Variants in GAD2 observed in about 807,000 individuals in gnomAD.
GAD2 encodes the protein glutamate decarboxylase 2, also known as 65 kDa glutamic acid decarboxylase.
GAD2 carries 22 observed loss-of-function variants against 80.1 expected under a neutral mutation model. That is an observed-to-expected ratio of 0.27 (90% CI 0.20 to 0.39). GAD2 has a LOEUF of 0.39. Ranked by LOEUF, GAD2 falls within the 10% of genes least tolerant of loss-of-function variation. GAD2 has a pLI of 1.00. For synonymous variants in GAD2, 274 were observed against 256.9 expected (o/e 1.07, Z -0.64); for missense variants, 624 against 738.4 (o/e 0.85, Z 1.80).
At chr10:26,270,062 G>A (rs774035467) in intron 9 of GAD2, among the ~76,000 whole-genome samples, 6 of 152,168 alleles carry the variant, frequency 3.9e-5, no homozygotes, top group Non-Finnish European at 5.9e-5. Context: ...CTTCCAGCCC[G>A]TTACTTCAAT....
rs1834322290 is a variant in GAD2 at position 26,300,897 on chromosome 10, C to T, written c.1694C>T (p.Ala565Val). 1.2e-6 allele frequency: 2 copies of T among 1,613,760 alleles called. No homozygotes were observed. Among genetic ancestry groups the T allele is most frequent in the Non-Finnish European group, 8.5e-7 (1 of 1,179,788 alleles). ...NFFRMVISNP[A>V]ATHQDIDFLI... ...TTCCGCATGGTCATCTCAAACCCAG[C>T]GGCAACTCACCAAGACATTGACTTC... Residue 565 changes from alanine to valine, a missense_variant, in exon 16 of 16, where the codon GCG becomes GTG. Ala to Val is a moderately conservative substitution (Grantham distance 64). Coordinates refer to ENST00000376261, the MANE Select transcript of GAD2 (RefSeq NM_001134366.2).
chr10:26,220,768 G>A (rs905187909), intron 4 of GAD2, among the ~76,000 whole-genome samples: 1 of 152,208 alleles, frequency 6.6e-6, no homozygotes, highest in Non-Finnish European at 1.5e-5. Flanking sequence ...CTATGGAAAT[G>A]TTTTGTGTCT....
At chr10:26,245,880 G>T (rs1805398) in intron 7 of GAD2, 41 bp from the exon 8 acceptor site, 142,927 of 1,457,100 alleles carry the variant, frequency 0.098, 9,634 homozygotes, top group African/African-American at 0.34. Flanking sequence ...GATCTTGTCT[G>T]TATATGGAAC....
At chr10:26,270,337 C>G (rs144584994) in intron 9 of GAD2, among the ~76,000 whole-genome samples, 1 of 151,982 alleles carries the variant, frequency 6.6e-6, no homozygotes, top group African/African-American at 2.4e-5. Flanking sequence ...GAAAGTCTAC[C>G]GGGAATATAT....
chr10:26,267,355 G>A (rs911132239), intron 8 of GAD2, among the ~76,000 whole-genome samples: 1 of 152,178 alleles, frequency 6.6e-6, no homozygotes, highest in African/African-American at 2.4e-5. Context: ...ATTTATATCA[G>A]GGCTGGAGCA....
chr10:26,253,435 AG>A (rs1359604367), intron 8 of GAD2, among the ~76,000 whole-genome samples: 4 of 152,012 alleles, frequency 2.6e-5, no homozygotes, highest in African/African-American at 9.7e-5. Context: ...AGAATAGAAA[AG>A]AAAAGTGCAT....
At chr10:26,287,619 AT>A (rs1244534732) in intron 13 of GAD2, among the ~76,000 whole-genome samples, 1 of 152,110 alleles carries the variant, frequency 6.6e-6, no homozygotes, top group Non-Finnish European at 1.5e-5. Context: ...TTGCAGAAGT[AT>A]TTTTTTGTAT....
intron 9 of GAD2, among the ~76,000 whole-genome samples, chr10:26,270,005 T>C (rs748828249): frequency 1.3e-5 from 2 of 152,162 alleles, no homozygotes; most frequent in Non-Finnish European, 2.9e-5. Context: ...AGAGTCCTTA[T>C]GGAATGAGGG....
At chr10:26,232,131 C>T (rs1018705052) in intron 7 of GAD2, among the ~76,000 whole-genome samples, 3 of 152,152 alleles carry the variant, frequency 2.0e-5, no homozygotes, top group Non-Finnish European at 2.9e-5. Flanking sequence ...GATAGAAAAA[C>T]GTGATCTATT....
intron 7 of GAD2, among the ~76,000 whole-genome samples, chr10:26,243,635 G>A (rs189769871): frequency 1.3e-5 from 2 of 152,316 alleles, no homozygotes; most frequent in African/African-American, 4.8e-5. Flanking sequence ...CTTTGGCGGT[G>A]GCTTGGCAGT....
rs936720571 is a variant in GAD2, at chr10:26,269,081, A to G, written c.921-38A>G. On this transcript the variant is annotated intron_variant, in intron 8 of 15. Transcript: ENST00000376261. ...TTACGTTGTAAAGACGATGAAGCAA[A>G]TTATTCAAAGCAAATCTATATTTCT... 5 of 1,528,052 alleles carry G rather than the reference A, an allele frequency of 3.3e-6. No homozygotes were observed. In the Admixed American group the frequency reaches 7.4e-5, roughly 23 times the overall value. 94.7% of individuals were successfully genotyped at this position (1,528,052 alleles called of 1,614,324 possible). A position where few individuals can be genotyped will look rare whatever the true frequency, so the allele number is the denominator to read the frequency against.
At chr10:26,246,741 G>A (rs955149186) in intron 8 of GAD2, among the ~76,000 whole-genome samples, 23 of 152,160 alleles carry the variant, frequency 1.5e-4, no homozygotes, top group Admixed American at 2.6e-4. Context: ...CGTTGATCCC[G>A]GTTCCCTGCC....
In GAD2 at chr10:26,303,230, A is replaced by G. The variant is rs928958644; in HGVS notation, c.*2269A>G. ...CTATATATGAAATTCCAGCAAAACA[A>G]TTCTAGCAACAACAATAGCTCTTCT... On this transcript the variant is annotated 3_prime_UTR_variant, in exon 16 of 16. Coordinates refer to ENST00000376261, the MANE Select transcript of GAD2 (RefSeq NM_001134366.2). 1 of 152,122 alleles carries G rather than the reference A, an allele frequency of 6.6e-6. No individual in the cohort carries two copies. Among genetic ancestry groups the G allele is most frequent in the African/African-American group, 2.4e-5 (1 of 41,360 alleles). The allele number at this position is 152,122 out of a possible 1,614,324, so 9.4% of individuals were successfully genotyped here.
intron 8 of GAD2, among the ~76,000 whole-genome samples, chr10:26,259,276 C>T (rs8190685): frequency 0.019 from 2,957 of 152,312 alleles, 97 homozygotes; most frequent in African/African-American, 0.066. Flanking sequence ...GAGGAACCAT[C>T]ATACTTTTTC....
At chr10:26,283,394 C>G (rs571351741) in intron 12 of GAD2, among the ~76,000 whole-genome samples, 2 of 152,296 alleles carry the variant, frequency 1.3e-5, no homozygotes, top group East Asian at 1.9e-4. Flanking sequence ...AGGCTGTGCT[C>G]TTAGGTCCAT....
chr10:26,275,452 C>T (rs1302277489), intron 11 of GAD2, among the ~76,000 whole-genome samples: 1 of 152,172 alleles, frequency 6.6e-6, no homozygotes, highest in Non-Finnish European at 1.5e-5. Context: ...CATCAGGGAA[C>T]ACAGAGTTTC....
rs1392175912 is a variant in GAD2, at chr10:26,248,765, C to A, written c.920+2765C>A. ...TTCTTGTTTACACCTTTTTATATTG[C>A]CTGATTTTGTTTGATTGCTGGCAGA... On this transcript the variant is annotated intron_variant, in intron 8 of 15. Coordinates refer to ENST00000376261, the MANE Select transcript of GAD2 (RefSeq NM_001134366.2). 2.6e-5 allele frequency among the ~76,000 whole-genome samples: 4 copies of A among 152,000 alleles called. No homozygotes were observed. In the East Asian group the frequency reaches 7.7e-4, roughly 29 times the overall value.
rs1291887839 is a variant in GAD2, at chr10:26,303,237, C to G, written c.*2276C>G. 2 of 151,936 alleles carry G rather than the reference C, an allele frequency of 1.3e-5. No homozygotes were observed. Among genetic ancestry groups the G allele is most frequent in the African/African-American group, 4.9e-5 (2 of 41,184 alleles). 9.4% of individuals were successfully genotyped at this position (151,936 alleles called of 1,614,324 possible). ...TGAAATTCCAGCAAAACAATTCTAG[C>G]AACAACAATAGCTCTTCTTCCCCGC... On this transcript the variant is annotated 3_prime_UTR_variant, in exon 16 of 16. Coordinates refer to ENST00000376261, the MANE Select transcript of GAD2 (RefSeq NM_001134366.2).
chr10:26,244,536 A>T (rs148880181), intron 7 of GAD2, among the ~76,000 whole-genome samples: 1,638 of 152,352 alleles, frequency 0.011, 10 homozygotes, highest in Middle Eastern at 0.031. Flanking sequence ...CATGTAATAG[A>T]ATGTCATTCA....
Sources: gnomAD v4.1 joint callset for allele counts (sites outside exome capture counted in the v4.1 genomes callset) on GRCh38, gnomAD v4.1.1 for gene constraint, MANE v1.5 for transcripts, NCBI Gene and HGNC (gene_info 2026-07-23, HGNC 2026-07-21) for gene names.